Variants in TXLNB observed in about 807,000 individuals in gnomAD.
TXLNB encodes taxilin beta.
TXLNB carries 37 observed loss-of-function variants against 57.4 expected under a neutral mutation model. The ratio of observed to expected loss-of-function variants is 0.64; its 90% CI spans 0.50 to 0.85. The LOEUF is 0.85. Ranked by LOEUF, TXLNB falls within the 40% of genes least tolerant of loss-of-function variation. The pLI is 0.00. For synonymous variants in TXLNB, 302 were observed against 309.6 expected (o/e 0.98, Z 0.26); for missense variants, 848 against 825.6 (o/e 1.03, Z -0.33).
At chr6:139,261,366 G>A (rs757638357) in intron 5 of TXLNB, among the ~76,000 whole-genome samples, 1 of 152,090 alleles carries the variant, frequency 6.6e-6, no homozygotes, top group Non-Finnish European at 1.5e-5. Context: ...CTTACTATTA[G>A]GAGTTTCTTG....
At chr6:139,164,969 T>C in the TXLNB span, among the ~76,000 whole-genome samples, 1 of 152,188 alleles carries the variant, frequency 6.6e-6, no homozygotes, top group Non-Finnish European at 1.5e-5. Context: ...ACACAGCTTC[T>C]TTTGTAAATA....
intron 2 of TXLNB, among the ~76,000 whole-genome samples, chr6:139,283,563 C>T (rs11969327): frequency 0.045 from 5,625 of 125,706 alleles, 740 homozygotes; most frequent in African/African-American, 0.16. Flanking sequence ...GCAATGAGAG[C>T]GAAACTCCGT....
the TXLNB span, chr6:139,200,085 T>C: frequency 6.6e-6 from 1 of 152,188 alleles, no homozygotes; most frequent in African/African-American, 2.4e-5. Flanking sequence ...TCCTGGAAGA[T>C]ATGGGACTCC....
chr6:139,301,588 G>A, the TXLNB span, among the ~76,000 whole-genome samples: 6 of 152,078 alleles, frequency 3.9e-5, no homozygotes, highest in Non-Finnish European at 8.8e-5. Flanking sequence ...GTCTTCCATG[G>A]GTTAGAAGAG....
At chr6:139,253,887 C>G (rs12525084) in intron 7 of TXLNB, among the ~76,000 whole-genome samples, 13,114 of 152,092 alleles carry the variant, frequency 0.086, 616 homozygotes, top group Middle Eastern at 0.11. Context: ...TTTATTGTTC[C>G]CCTCAAGGCT....
intron 8 of TXLNB, among the ~76,000 whole-genome samples, chr6:139,247,454 T>G (rs1335807705): frequency 5.3e-5 from 8 of 151,786 alleles, no homozygotes; most frequent in Admixed American, 2.6e-4. Flanking sequence ...GTTTTTGTTT[T>G]TTTTTTTTTA....
chr6:139,260,581 G>T, intron 5 of TXLNB, 144 bp from the exon 6 acceptor site: 1 of 890,830 alleles, frequency 1.1e-6, no homozygotes, highest in East Asian at 2.7e-5. Context: ...ATCACTTACA[G>T]CTTTATAATA....
intron 3 of TXLNB, among the ~76,000 whole-genome samples, chr6:139,273,789 C>T (rs1776827146): frequency 6.6e-6 from 1 of 152,182 alleles, no homozygotes; most frequent in Non-Finnish European, 1.5e-5. Context: ...CCAGATAATA[C>T]TCCAGAACTT....
the TXLNB span, among the ~76,000 whole-genome samples, chr6:139,213,725 C>T: frequency 6.6e-6 from 1 of 151,950 alleles, no homozygotes; most frequent in East Asian, 1.9e-4. Context: ...ATTGATAGAC[C>T]ACTAGCAAGA....
At chr6:139,297,436 G>A in the TXLNB span, among the ~76,000 whole-genome samples, 2 of 152,166 alleles carry the variant, frequency 1.3e-5, no homozygotes, top group African/African-American at 2.4e-5. Context: ...TCTGGAAAGG[G>A]GGCAGGGGTA....
rs1775929046 is a variant in TXLNB, at chr6:139,241,382, T to C, written c.*1144A>G. On this transcript the variant is annotated 3_prime_UTR_variant, in exon 10 of 10. Transcript: ENST00000358430. ...GTAATTTCCTGCTACAAAGGAGAAA[T>C]TGGGAAGGAAGGAGCAGAAGCTTTT... is the stretch of plus-strand genomic sequence containing the variant. The C allele has an allele frequency of 6.6e-6, 1 of 152,082 alleles. No individual in the cohort carries two copies. The highest frequency in any genetic ancestry group is 2.1e-4 in the South Asian group (1 of 4,820). The allele number at this position is 152,082 out of a possible 1,614,324, so 9.4% of individuals were successfully genotyped here. A position where few individuals can be genotyped will look rare whatever the true frequency, so the allele number is the denominator to read the frequency against.
chr6:139,187,740 T>C, the TXLNB span, among the ~76,000 whole-genome samples: 7 of 152,144 alleles, frequency 4.6e-5, no homozygotes, highest in Non-Finnish European at 1.0e-4. Flanking sequence ...TTCATCATAG[T>C]GTGGCTTTAC....
the TXLNB span, among the ~76,000 whole-genome samples, chr6:139,323,889 C>G: frequency 6.6e-6 from 1 of 152,108 alleles, no homozygotes. Flanking sequence ...AGGGGACAGT[C>G]AACAGATTGC....
chr6:139,259,539 C>T (rs1776427712), intron 6 of TXLNB, among the ~76,000 whole-genome samples: 1 of 152,234 alleles, frequency 6.6e-6, no homozygotes, highest in South Asian at 2.1e-4. Flanking sequence ...CAAGCATTCG[C>T]CCCTCCAGGA....
At chr6:139,281,255 G>A (rs1034007476) in intron 2 of TXLNB, among the ~76,000 whole-genome samples, 1 of 152,028 alleles carries the variant, frequency 6.6e-6, no homozygotes, top group Non-Finnish European at 1.5e-5. Flanking sequence ...AAGCAACATT[G>A]TTTGGATGGC....
the TXLNB span, among the ~76,000 whole-genome samples, chr6:139,305,959 A>C: frequency 6.6e-6 from 1 of 152,312 alleles, no homozygotes; most frequent in Non-Finnish European, 1.5e-5. Context: ...ATGATTTATT[A>C]ATATTCGTGT....
At chr6:139,187,118 A>G in the TXLNB span, among the ~76,000 whole-genome samples, 82,966 of 151,980 alleles carry the variant, frequency 0.55, 23,558 homozygotes, top group Non-Finnish European at 0.58. Context: ...TTCTGTGTCA[A>G]TTATACCTCC....
chr6:139,189,840 T>C, the TXLNB span, among the ~76,000 whole-genome samples: 30 of 152,344 alleles, frequency 2.0e-4, no homozygotes, highest in Middle Eastern at 3.4e-3. Context: ...TGCTAGCTGT[T>C]GTACTATGGA....
chr6:139,166,609 C>G, the TXLNB span: 1 of 1,614,028 alleles, frequency 6.2e-7, no homozygotes, highest in Non-Finnish European at 8.5e-7. Flanking sequence ...GGATGCAGGA[C>G]GAGAAAAAGA....
Sources: gnomAD v4.1 joint callset for allele counts (sites outside exome capture counted in the v4.1 genomes callset) on GRCh38, gnomAD v4.1.1 for gene constraint, MANE v1.5 for transcripts, NCBI Gene and HGNC (gene_info 2026-07-23, HGNC 2026-07-21) for gene names.